RALYL: variants seen among roughly 807,000 people sequenced by gnomAD.
RALYL encodes the protein RALY RNA binding protein like, also known as RNA-binding Raly-like protein.
A neutral mutation model predicts 35.1 loss-of-function variants in RALYL; 29 were observed. The ratio of observed to expected loss-of-function variants is 0.83; its 90% CI spans 0.61 to 1.13. RALYL has a LOEUF of 1.13. RALYL is among the 50% of genes most tolerant of loss of function. The pLI, the probability that RALYL is intolerant of heterozygous loss-of-function variation, is 0.00. For missense variants in RALYL, 359 were observed against 360.4 expected, an observed-to-expected ratio of 1.00 and a Z score of 0.03; for synonymous variants, 120 against 127.6, an observed-to-expected ratio of 0.94 and a Z score of 0.40.
At chr8:84,377,540 TA>T (rs1430461605) in intron 1 of RALYL, among the ~76,000 whole-genome samples, 1 of 146,952 alleles carries the variant, frequency 6.8e-6, no homozygotes, top group Non-Finnish European at 1.5e-5. Flanking sequence ...CTGAGGCAAT[TA>T]AAAATGTATG....
At chr8:84,543,586 A>G (rs2060161159) in intron 2 of RALYL, among the ~76,000 whole-genome samples, 1 of 152,092 alleles carries the variant, frequency 6.6e-6, no homozygotes, top group South Asian at 2.1e-4. Flanking sequence ...TAATAATTTT[A>G]TGAGCTCAGG....
rs1321197031 is a variant in RALYL, at chr8:84,709,338, T to G, written c.257-65241T>G. ...TGTGCTTCAGATCCTTGGGTGCCCA[T>G]GGAGTTACTACAAGGTTACTACATA... On this transcript the variant is annotated intron_variant, in intron 2 of 8. Transcript: ENST00000521268. Among the ~76,000 whole-genome samples, 7 of 152,218 alleles carry G rather than the reference T, an allele frequency of 4.6e-5. No homozygotes were observed. The East Asian group carries it at 7.8e-4, about 17-fold the overall frequency.
At chr8:84,819,505 G>C (rs992515083) in intron 4 of RALYL, among the ~76,000 whole-genome samples, 3 of 152,178 alleles carry the variant, frequency 2.0e-5, no homozygotes, top group Admixed American at 6.5e-5. Context: ...TATTTTGACA[G>C]TGGCGTGTTG....
chr8:84,490,360 G>A (rs1281711266), intron 1 of RALYL, among the ~76,000 whole-genome samples: 1 of 151,916 alleles, frequency 6.6e-6, no homozygotes, highest in African/African-American at 2.4e-5. Flanking sequence ...TAGCAAAGGA[G>A]ATAATCTGCT....
chr8:84,329,137 G>C (rs1437036821), intron 1 of RALYL, among the ~76,000 whole-genome samples: 4 of 152,054 alleles, frequency 2.6e-5, no homozygotes, highest in Admixed American at 6.6e-5. Flanking sequence ...TGGGATTGTT[G>C]GGTCAAATGG....
At position 84,569,394 on chromosome 8, in the gene RALYL, C is replaced by T. The variant is rs115877528; in HGVS notation, c.256+39817C>T. ...ATTATTTCTGAGGACCCTGTTCTGTCCCATTGATCTATATTTTCCCAGTTT... is the reference window on the plus strand; with the variant it reads ...ATTATTTCTGAGGACCCTGTTCTGTTCCATTGATCTATATTTTCCCAGTTT... On this transcript the variant is annotated intron_variant, in intron 2 of 8. Coordinates refer to ENST00000521268, the MANE Select transcript of RALYL (RefSeq NM_173848.7). 2.3e-3 allele frequency among the ~76,000 whole-genome samples: 348 copies of T among 151,626 alleles called. 2 individuals are homozygous for T. The highest frequency in any genetic ancestry group is 5.3e-3 in the African/African-American group (220 of 41,438).
chr8:84,275,713 A>G (rs1450098828), intron 1 of RALYL, among the ~76,000 whole-genome samples: 1 of 152,082 alleles, frequency 6.6e-6, no homozygotes, highest in African/African-American at 2.4e-5. Context: ...CTGGTAACCA[A>G]CATGCTACTT....
intron 4 of RALYL, among the ~76,000 whole-genome samples, chr8:84,833,561 C>T (rs1057438446): frequency 6.6e-6 from 1 of 151,390 alleles, no homozygotes; most frequent in Non-Finnish European, 1.5e-5. Flanking sequence ...TTGCTTGAAC[C>T]CAGGAGGCGG....
intron 1 of RALYL, among the ~76,000 whole-genome samples, chr8:84,253,703 C>A (rs1256494675): frequency 6.6e-6 from 1 of 152,064 alleles, no homozygotes; most frequent in African/African-American, 2.4e-5. Flanking sequence ...CTTGTTTTTG[C>A]ATAGGTATAG....
intron 1 of RALYL, among the ~76,000 whole-genome samples, chr8:84,434,830 T>C (rs545206767): frequency 6.6e-6 from 1 of 152,214 alleles, no homozygotes; most frequent in South Asian, 2.1e-4. Flanking sequence ...ATATATACAT[T>C]TGTAGAGACA....
chr8:84,850,935 G>A (rs1192775691), intron 5 of RALYL, among the ~76,000 whole-genome samples: 2 of 152,110 alleles, frequency 1.3e-5, no homozygotes, highest in African/African-American at 2.4e-5. Context: ...CACTTATGTC[G>A]ATAAGTTTGC....
At chr8:84,500,908 C>T (rs1418403482) in intron 1 of RALYL, among the ~76,000 whole-genome samples, 1 of 152,098 alleles carries the variant, frequency 6.6e-6, no homozygotes. Context: ...AGAGAATATA[C>T]AACCTCACAC....
intron 1 of RALYL, among the ~76,000 whole-genome samples, chr8:84,252,761 G>A (rs1450947302): frequency 6.6e-6 from 1 of 151,948 alleles, no homozygotes; most frequent in Admixed American, 6.6e-5. Flanking sequence ...CCTGAAATAG[G>A]CCTAACTGTT....
At chr8:84,393,883 T>C (rs1035531317) in intron 1 of RALYL, among the ~76,000 whole-genome samples, 8 of 152,094 alleles carry the variant, frequency 5.3e-5, no homozygotes, top group Non-Finnish European at 4.4e-5. Context: ...TGGCAAATAG[T>C]AAGCATGCAA....
chr8:84,183,258 C>A, upstream of RALYL: 1 of 153,738 alleles, frequency 6.5e-6, no homozygotes, highest in South Asian at 1.8e-4. Context: ...TGAGGGGCAC[C>A]TGCTCGTCTG....
intron 4 of RALYL, among the ~76,000 whole-genome samples, chr8:84,823,525 G>A (rs1828958238): frequency 6.6e-6 from 1 of 152,086 alleles, no homozygotes; most frequent in South Asian, 2.1e-4. Context: ...AAGAGACACT[G>A]GATGACGTGC....
At chr8:84,705,500 T>G (rs570447436) in intron 2 of RALYL, among the ~76,000 whole-genome samples, 1 of 152,318 alleles carries the variant, frequency 6.6e-6, no homozygotes, top group East Asian at 1.9e-4. Flanking sequence ...AAACTAAAAT[T>G]GAGAATTGCT....
At chr8:84,658,049 T>C (rs1564323587) in intron 2 of RALYL, among the ~76,000 whole-genome samples, 2 of 152,138 alleles carry the variant, frequency 1.3e-5, no homozygotes, top group Non-Finnish European at 2.9e-5. Flanking sequence ...CCATCTCCCA[T>C]GTGCAATGAA....
intron 2 of RALYL, among the ~76,000 whole-genome samples, chr8:84,610,853 C>T (rs189505479): frequency 2.6e-5 from 4 of 152,212 alleles, no homozygotes; most frequent in Middle Eastern, 3.4e-3. Context: ...TGCACTTCGA[C>T]GTCTCTCCGT....
Sources: gnomAD v4.1 joint callset for allele counts (sites outside exome capture counted in the v4.1 genomes callset) on GRCh38, gnomAD v4.1.1 for gene constraint, MANE v1.5 for transcripts, NCBI Gene and HGNC (gene_info 2026-07-23, HGNC 2026-07-21) for gene names.